The following SERPINB13 variants were observed in gnomAD, a reference collection of about 807,000 sequenced individuals.
SERPINB13 encodes serpin family B member 13.
In SERPINB13, 26 loss-of-function variants were observed where a neutral mutation model predicts 31.2. The observed-to-expected ratio is 0.83, with a 90% CI of 0.61 to 1.15. The LOEUF is 1.15. Among genes scored for constraint, SERPINB13 ranks in the 50% most tolerant of loss-of-function variants. The pLI, the probability that SERPINB13 is intolerant of heterozygous loss-of-function variation, is 0.00. For missense variants in SERPINB13, 510 were observed against 469.4 expected (o/e 1.09, Z -0.80); for synonymous variants, 191 against 172.4 (o/e 1.11, Z -0.85).
intron 3 of SERPINB13, among the ~76,000 whole-genome samples, chr18:63,591,101 T>C (rs966137948): frequency 2.8e-4 from 43 of 152,298 alleles, no homozygotes; most frequent in African/African-American, 9.6e-4. Flanking sequence ...CTGATGCCCC[T>C]TAGGCTGATG....
intron 7 of SERPINB13, among the ~76,000 whole-genome samples, chr18:63,595,773 C>A (rs1288692116): frequency 1.3e-5 from 2 of 152,038 alleles, no homozygotes; most frequent in Admixed American, 1.3e-4. Context: ...GTTGTGGGCG[C>A]CTGTAGTCCC....
intron 2 of SERPINB13, among the ~76,000 whole-genome samples, chr18:63,589,235 A>G (rs934545425): frequency 6.6e-6 from 1 of 152,144 alleles, no homozygotes; most frequent in Non-Finnish European, 1.5e-5. Flanking sequence ...TGGCCAGGCT[A>G]GTCTTGAACT....
At position 63,587,433 on chromosome 18, in the gene SERPINB13, T is replaced by C. The variant is rs866087317; in HGVS notation, c.-35T>C. 2 of 471,128 alleles carry C rather than the reference T, an allele frequency of 4.2e-6. No individual in the cohort carries two copies. The highest frequency in any genetic ancestry group is 4.7e-5 in the Admixed American group (2 of 42,562). The allele number at this position is 471,128 out of a possible 1,614,324, so 29.2% of individuals were successfully genotyped here. ...CTAGTTCGTTGCCCAGCCACCACCG[T>C]CTCTCCAAAAACCCGAGGTAAGTTC... On this transcript the variant is annotated 5_prime_UTR_variant, in exon 1 of 8. Coordinates refer to ENST00000344731, the MANE Select transcript of SERPINB13 (RefSeq NM_012397.4).
chr18:63,594,703 G>T (rs1345980688), intron 6 of SERPINB13, among the ~76,000 whole-genome samples: 2 of 152,094 alleles, frequency 1.3e-5, no homozygotes, highest in Admixed American at 1.3e-4. Flanking sequence ...GCTGGGTGTG[G>T]TGGTGCACGC....
In SERPINB13 at chr18:63,588,845, CA is replaced by C. The variant is rs746707622; in HGVS notation, c.165+14del. 2 of 1,610,330 alleles carry C rather than the reference CA, an allele frequency of 1.2e-6. No homozygotes were observed. The highest frequency in any genetic ancestry group is 1.7e-6 in the Non-Finnish European group (2 of 1,178,864). On this transcript the variant is annotated intron_variant, in intron 2 of 7. Coordinates refer to ENST00000344731, the MANE Select transcript of SERPINB13 (RefSeq NM_012397.4). Reference sequence around the variant, plus strand: ...CCAGTTGGAGGAGGTTGGGCGCAGTCAGGGGGCTTCCTTGTTTCCTATGCAC... The same window carrying C: ...CCAGTTGGAGGAGGTTGGGCGCAGTCGGGGGCTTCCTTGTTTCCTATGCAC...
intron 5 of SERPINB13, 71 bp downstream of exon 5, chr18:63,593,042 T>C (rs1156822317): frequency 4.1e-6 from 4 of 974,812 alleles, no homozygotes; most frequent in Non-Finnish European, 6.4e-6. Flanking sequence ...AAACACTTCT[T>C]GACAACCTGC....
chr18:63,594,899 G>A (rs1912072147), intron 6 of SERPINB13, 130 bp from the exon 7 acceptor site: 6 of 834,220 alleles, frequency 7.2e-6, no homozygotes, highest in African/African-American at 1.7e-5. Context: ...GATAGTGGAT[G>A]CTCATTCTGA....
intron 7 of SERPINB13, 107 bp downstream of exon 7, chr18:63,595,291 T>C: frequency 1.7e-6 from 2 of 1,161,312 alleles, no homozygotes; most frequent in African/African-American, 1.5e-5. Context: ...AAAGTGTTTC[T>C]CACTCTCCAG....
chr18:63,587,756 T>TA (rs1189206471), intron 1 of SERPINB13, among the ~76,000 whole-genome samples: 1 of 152,262 alleles, frequency 6.6e-6, no homozygotes, highest in Non-Finnish European at 1.5e-5. Context: ...ATGTGGGCTT[T>TA]AAAAAACTTT....
intron 2 of SERPINB13, among the ~76,000 whole-genome samples, chr18:63,589,286 G>T (rs184280263): frequency 4.6e-5 from 7 of 152,244 alleles, no homozygotes; most frequent in East Asian, 1.9e-4. Flanking sequence ...CTCCCAAAGT[G>T]CTGGGATTAC....
chr18:63,594,150 A>G, intron 5 of SERPINB13: 1 of 1,477,432 alleles, frequency 6.8e-7, no homozygotes, highest in Non-Finnish European at 9.1e-7. Flanking sequence ...ATGAACCTTA[A>G]TTTATCCACT....
At position 63,588,769 on chromosome 18, in the gene SERPINB13, C is replaced by A; in HGVS notation, c.102C>A (p.Ile34=). The A allele has an allele frequency of 6.2e-7, 1 of 1,614,156 alleles. No homozygotes were observed. The highest frequency in any genetic ancestry group is 8.5e-7 in the Non-Finnish European group (1 of 1,180,020). The stretch of plus-strand genomic sequence containing the variant: ...ACATCTTCTTTTCCCCTGTGGGCAT[C>A]TTGACTGCAATTGGCATGGTCCTCC... The part of the protein sequence containing the change: ...DGNIFFSPVG[I]LTAIGMVLLG... The change falls in exon 2 of 8, where the codon ATC becomes ATA. Residue 34 remains isoleucine (I), a synonymous_variant. Transcript: ENST00000344731.
Sources: allele counts gnomAD v4.1 joint callset (sites outside exome capture counted in the v4.1 genomes callset), GRCh38; gene constraint gnomAD v4.1.1; transcripts MANE v1.5; gene names NCBI Gene and HGNC (gene_info 2026-07-23, HGNC 2026-07-21).